Variants in SLC24A2 observed in about 807,000 individuals in gnomAD.
The protein encoded by SLC24A2 is solute carrier family 24 member 2, also known as sodium/potassium/calcium exchanger 2.
A neutral mutation model predicts 62.0 loss-of-function variants in SLC24A2; 36 were observed. The ratio of observed to expected loss-of-function variants is 0.58; its 90% CI spans 0.44 to 0.77. The LOEUF is 0.77. SLC24A2 is among the 30% of genes least tolerant of loss of function. The pLI is 0.00. For synonymous variants in SLC24A2, 358 were observed against 294.0 expected, an observed-to-expected ratio of 1.22 and a Z score of -2.23; for missense variants, 846 against 817.9, an observed-to-expected ratio of 1.03 and a Z score of -0.42.
At chr9:20,066,521 CTG>C in the SLC24A2 span, among the ~76,000 whole-genome samples, 385 of 152,330 alleles carry the variant, frequency 2.5e-3, no homozygotes, top group African/African-American at 8.6e-3. Context: ...CTGTCTCACT[CTG>C]TGTCTATATC....
intron 2 of SLC24A2, among the ~76,000 whole-genome samples, chr9:19,773,973 G>T (rs1822766960): frequency 6.6e-6 from 1 of 152,206 alleles, no homozygotes. Context: ...CTGAGGATTT[G>T]ACTGTTAGTT....
chr9:19,618,017 C>G (rs1243248093), intron 4 of SLC24A2, among the ~76,000 whole-genome samples: 1 of 152,040 alleles, frequency 6.6e-6, no homozygotes, highest in Admixed American at 6.5e-5. Context: ...GTTGGTGGTG[C>G]TATATTTTGT....
chr9:19,546,435 C>G (rs1211070180), intron 8 of SLC24A2, among the ~76,000 whole-genome samples: 2 of 152,124 alleles, frequency 1.3e-5, no homozygotes, highest in African/African-American at 4.8e-5. Flanking sequence ...CCTTGCTGAG[C>G]TGCAGTGGGC....
chr9:19,640,362 A>T (rs1818460460), intron 2 of SLC24A2, among the ~76,000 whole-genome samples: 1 of 152,350 alleles, frequency 6.6e-6, no homozygotes, highest in Non-Finnish European at 1.5e-5. Context: ...TTCTCTCTGT[A>T]CTGCTATAAA....
At chr9:19,539,000 T>A (rs1484082199) in intron 8 of SLC24A2, among the ~76,000 whole-genome samples, 5 of 126,962 alleles carry the variant, frequency 3.9e-5, no homozygotes, top group African/African-American at 1.5e-4. Flanking sequence ...GTAGAGGTGT[T>A]TGTAGTATTC....
At chr9:19,622,387 C>A in intron 2 of SLC24A2, 88 bp from the exon 3 acceptor site, 1 of 1,289,090 alleles carries the variant, frequency 7.8e-7, no homozygotes, top group South Asian at 1.2e-5. Context: ...TAACAAGCAT[C>A]AGTATAGGGG....
chr9:19,861,787 T>C, the SLC24A2 span, among the ~76,000 whole-genome samples: 1 of 152,064 alleles, frequency 6.6e-6, no homozygotes, highest in Non-Finnish European at 1.5e-5. Flanking sequence ...AAAAATGCAG[T>C]TGGCATACTG....
rs1469832375 is a variant in SLC24A2 at position 19,632,026 on chromosome 9, G to A, written c.931-9727C>T. Among the ~76,000 whole-genome samples the A allele has an allele frequency of 6.6e-6, 1 of 152,154 alleles. No homozygotes were observed. The highest frequency in any genetic ancestry group is 1.5e-5 in the Non-Finnish European group (1 of 68,036). ...GTAAGAAACCGTTCCACTGGGTGTT[G>A]ACCATGATACACCTGGCCATCCTGG... On this transcript the variant is annotated intron_variant, in intron 2 of 10. Transcript: ENST00000341998. This position sits in a 1 kb window ranked among gnomAD's most constrained non-coding sequence, Gnocchi z 4.5.
the SLC24A2 span, among the ~76,000 whole-genome samples, chr9:19,858,786 A>T: frequency 6.6e-6 from 1 of 152,234 alleles, no homozygotes. Context: ...AATGCAAATC[A>T]AAACCACAAT....
the SLC24A2 span, among the ~76,000 whole-genome samples, chr9:19,897,283 T>A: frequency 6.6e-6 from 1 of 152,224 alleles, no homozygotes; most frequent in Non-Finnish European, 1.5e-5. Context: ...ATCAGTCAAG[T>A]ACATGTTAGT....
At chr9:19,850,967 G>GTATATA in the SLC24A2 span, among the ~76,000 whole-genome samples, 1 of 18,184 alleles carries the variant, frequency 5.5e-5, no homozygotes, top group South Asian at 1.1e-3. Flanking sequence ...ATATATATAT[G>GTATATA]TATATATATA....
At chr9:19,860,954 GT>G in the SLC24A2 span, among the ~76,000 whole-genome samples, 1 of 152,298 alleles carries the variant, frequency 6.6e-6, no homozygotes, top group East Asian at 1.9e-4. Flanking sequence ...GACTTCTAAG[GT>G]TTTTGACTCT....
intron 7 of SLC24A2, among the ~76,000 whole-genome samples, chr9:19,554,346 C>A (rs887900306): frequency 7.9e-5 from 12 of 152,310 alleles, no homozygotes; most frequent in African/African-American, 2.9e-4. Flanking sequence ...ATTTACATAG[C>A]ATTTACATTG....
chr9:19,721,504 T>C (rs1248537306), intron 2 of SLC24A2, among the ~76,000 whole-genome samples: 2 of 152,162 alleles, frequency 1.3e-5, no homozygotes, highest in Non-Finnish European at 1.5e-5. Flanking sequence ...AAAGTCTTCT[T>C]TCCTTTTTCA....
chr9:19,770,272 G>C (rs566471389), intron 2 of SLC24A2, among the ~76,000 whole-genome samples: 1 of 151,800 alleles, frequency 6.6e-6, no homozygotes, highest in East Asian at 2.0e-4. Flanking sequence ...TTTGGATCTC[G>C]GTTCTGTTCT....
chr9:20,067,720 TC>T, the SLC24A2 span, among the ~76,000 whole-genome samples: 11 of 152,148 alleles, frequency 7.2e-5, no homozygotes, highest in Non-Finnish European at 1.5e-4. Flanking sequence ...ATCATTACAT[TC>T]CTTTTTATGG....
rs960478183 is a variant in SLC24A2 at position 19,509,501 on chromosome 9, T to C, written c.*6652A>G. 2.6e-5 allele frequency: 4 copies of C among 152,182 alleles called. No individual in the cohort carries two copies. Among genetic ancestry groups the C allele is most frequent in the African/African-American group, 9.6e-5 (4 of 41,460 alleles). 9.4% of individuals were successfully genotyped at this position (152,182 alleles called of 1,614,324 possible). A position where few individuals can be genotyped will look rare whatever the true frequency, so the allele number is the denominator to read the frequency against. On this transcript the variant is annotated 3_prime_UTR_variant, in exon 11 of 11. Transcript: ENST00000341998. ...GAATATATGTATTATTGGTATTTTATGGCTTTAATTAAGACAGTTGTCTCT... is the reference window on the plus strand; with the variant it reads ...GAATATATGTATTATTGGTATTTTACGGCTTTAATTAAGACAGTTGTCTCT...
At chr9:19,712,998 C>T (rs913762406) in intron 2 of SLC24A2, among the ~76,000 whole-genome samples, 3 of 152,148 alleles carry the variant, frequency 2.0e-5, no homozygotes, top group Non-Finnish European at 2.9e-5. Flanking sequence ...CACTTTCTCA[C>T]TTAATTTAGT....
rs548255932 is a variant in SLC24A2, at chr9:19,544,055, T to C, written c.1479+6082A>G. Among the ~76,000 whole-genome samples, 181 of 152,262 alleles carry C rather than the reference T, an allele frequency of 1.2e-3. 1 individual carries two copies. Among genetic ancestry groups the C allele is most frequent in the African/African-American group, 4.1e-3 (171 of 41,544 alleles). ...TATTAAATCTCCCACTATTATTGTG[T>C]GGGAGTGTAAGTCTCTTTGTGGATC... On this transcript the variant is annotated intron_variant, in intron 8 of 10. Transcript: ENST00000341998.
Sources: allele counts gnomAD v4.1 joint callset (sites outside exome capture counted in the v4.1 genomes callset), GRCh38; gene constraint gnomAD v4.1.1; non-coding constraint Gnocchi (gnomAD v3.1); transcripts MANE v1.5; gene names NCBI Gene and HGNC (gene_info 2026-07-23, HGNC 2026-07-21).